Variants in KAT2B observed in about 807,000 individuals in gnomAD.
KAT2B encodes lysine acetyltransferase 2B, also known as histone acetyltransferase KAT2B.
A neutral mutation model predicts 105.9 loss-of-function variants in KAT2B; 36 were observed. The ratio of observed to expected loss-of-function variants is 0.34; its 90% CI spans 0.26 to 0.45. KAT2B has a LOEUF of 0.45. Ranked by LOEUF, KAT2B falls within the 20% of genes least tolerant of loss-of-function variation. The pLI is 1.00. For synonymous variants in KAT2B, 397 were observed against 377.9 expected (o/e 1.05, Z -0.59); for missense variants, 820 against 1,021.6 (o/e 0.80, Z 2.69).
intron 2 of KAT2B, among the ~76,000 whole-genome samples, chr3:20,077,954 T>C (rs1698448205): frequency 6.6e-6 from 1 of 152,080 alleles, no homozygotes; most frequent in Admixed American, 6.5e-5. Context: ...GCAGGTGGAT[T>C]GTTTGAGCCC....
chr3:20,107,386 G>A (rs1405646396), intron 5 of KAT2B, among the ~76,000 whole-genome samples: 25 of 151,400 alleles, frequency 1.7e-4, no homozygotes, highest in Admixed American at 1.3e-3. Flanking sequence ...AGCTGGGAGC[G>A]GTGGCCCACG....
At chr3:20,133,803 C>G (rs546881547) in intron 11 of KAT2B, among the ~76,000 whole-genome samples, 18 of 152,308 alleles carry the variant, frequency 1.2e-4, no homozygotes, top group South Asian at 2.1e-4. Flanking sequence ...GGTACATAAA[C>G]TGTAAACGTA....
chr3:20,102,177 A>G (rs779226188), intron 5 of KAT2B, among the ~76,000 whole-genome samples: 1 of 152,102 alleles, frequency 6.6e-6, no homozygotes, highest in Non-Finnish European at 1.5e-5. Context: ...TTAACTGGGC[A>G]TGGTGTCACG....
intron 1 of KAT2B, among the ~76,000 whole-genome samples, chr3:20,070,378 C>T (rs1457451270): frequency 6.7e-6 from 1 of 149,660 alleles, no homozygotes; most frequent in Non-Finnish European, 1.5e-5. Flanking sequence ...AATCTCGGCT[C>T]ACTGCAAGCT....
chr3:20,085,511 CTTTTTTTTT>C (rs11346744), intron 2 of KAT2B, among the ~76,000 whole-genome samples: 1 of 137,642 alleles, frequency 7.3e-6, no homozygotes, highest in Non-Finnish European at 1.5e-5. Context: ...TTCTTTCTTT[CTTTTTTTTT>C]TTTTTTGCAG....
intron 1 of KAT2B, among the ~76,000 whole-genome samples, chr3:20,054,564 T>A (rs1440123114): frequency 6.6e-6 from 1 of 152,240 alleles, no homozygotes; most frequent in East Asian, 1.9e-4. Context: ...TTCCATTAAA[T>A]TCCATGCCAT....
At chr3:20,085,137 C>T (rs1191642299) in intron 2 of KAT2B, among the ~76,000 whole-genome samples, 3 of 152,104 alleles carry the variant, frequency 2.0e-5, no homozygotes, top group Non-Finnish European at 4.4e-5. Context: ...ATTGCTTGAG[C>T]CCAGGTGTTT....
At chr3:20,128,040 AGTGTAT>A (rs899623205) in intron 11 of KAT2B, among the ~76,000 whole-genome samples, 4 of 152,104 alleles carry the variant, frequency 2.6e-5, no homozygotes, top group African/African-American at 9.7e-5. Flanking sequence ...TCTCACTGTG[AGTGTAT>A]GTGTATGTGT....
chr3:20,114,962 G>A lies in KAT2B; in HGVS notation c.1124G>A (p.Arg375Lys). ...CAGGATTTTCTCTCAGCCTCTTCCA[G>A]AACCAGCCAGCTAGGCATCCAAACA... ...WDQDFLSASS[R>K]TSQLGIQTVI... Residue 375 changes from arginine to lysine, a missense_variant, in exon 7 of 18, where the codon AGA (arginine) becomes AAA (lysine). Around this residue, in one of 6 missense-constraint regions of KAT2B, gnomAD observed 225 missense variants for 268.1 expected, o/e 0.84. Transcript: ENST00000263754. The A allele has an allele frequency of 1.2e-6, 2 of 1,612,100 alleles. No homozygotes were observed. Among genetic ancestry groups the A allele is most frequent in the Non-Finnish European group, 1.7e-6 (2 of 1,178,306 alleles).
chr3:20,062,222 A>G (rs1203079972), intron 1 of KAT2B, among the ~76,000 whole-genome samples: 1 of 72,658 alleles, frequency 1.4e-5, no homozygotes, highest in African/African-American at 5.4e-5. Flanking sequence ...TATATTATAT[A>G]TAAAAATATA....
chr3:20,124,744 A>G (rs1699369384), intron 9 of KAT2B, among the ~76,000 whole-genome samples: 1 of 152,166 alleles, frequency 6.6e-6, no homozygotes, highest in South Asian at 2.1e-4. Context: ...AATTTTCAGG[A>G]GTTTTGTGAG....
At position 20,071,304 on chromosome 3, in the gene KAT2B, C is replaced by T. The variant is rs62243099; in HGVS notation, c.304-1029C>T. 9.7e-3 allele frequency among the ~76,000 whole-genome samples: 1,481 copies of T among 152,278 alleles called. 16 individuals are homozygous for T. Among genetic ancestry groups the T allele is most frequent in the Non-Finnish European group, 0.016 (1,118 of 68,026 alleles). On this transcript the variant is annotated intron_variant, in intron 1 of 17. Coordinates refer to ENST00000263754, the MANE Select transcript of KAT2B (RefSeq NM_003884.5). ...GGATAGTATATGTAGATGGCTCTAC[C>T]CTAGAGTGACTTCATCTGTGTTACA...
At chr3:20,125,813 T>C (rs1699392226) in intron 9 of KAT2B, 92 bp from the exon 10 acceptor site, 1 of 1,035,172 alleles carries the variant, frequency 9.7e-7, no homozygotes, top group Non-Finnish European at 1.5e-6. Flanking sequence ...GTGTATCTTA[T>C]TAGAACAAAG....
chr3:20,061,390 G>T (rs1385463182), intron 1 of KAT2B, among the ~76,000 whole-genome samples: 3 of 152,056 alleles, frequency 2.0e-5, no homozygotes, highest in Non-Finnish European at 4.4e-5. Flanking sequence ...GGGATGCTGG[G>T]GTTGCTTGGA....
In KAT2B at chr3:20,148,768, G is replaced by T. The variant is rs920618029; in HGVS notation, c.2305+281G>T. The T allele has an allele frequency of 9.5e-5, 31 of 326,696 alleles. No individual in the cohort carries two copies. The Middle Eastern group carries it at 2.6e-3, about 27-fold the overall frequency. The allele number at this position is 326,696 out of a possible 1,614,324, so 20.2% of individuals were successfully genotyped here. ...GCAGACAGCACTAGATTTGAAAGCT[G>T]GCACTTTAGATATAACTTTGCTTAT... is the stretch of plus-strand genomic sequence containing the variant. On this transcript the variant is annotated intron_variant, in intron 17 of 17. Coordinates refer to ENST00000263754, the MANE Select transcript of KAT2B (RefSeq NM_003884.5).
intron 5 of KAT2B, among the ~76,000 whole-genome samples, chr3:20,107,147 C>T (rs1699035927): frequency 6.9e-6 from 1 of 145,204 alleles, no homozygotes; most frequent in Admixed American, 7.0e-5. Context: ...ATTCCCGTCT[C>T]TGCCTCCCGA....
At chr3:20,146,451 A>G in intron 14 of KAT2B, 21 bp downstream of exon 14, 1 of 1,433,874 alleles carries the variant, frequency 7.0e-7, no homozygotes. Flanking sequence ...ACCTTCTTTT[A>G]AAAGCGAAAT....
chr3:20,144,609 T>C (rs1344568236), intron 13 of KAT2B, among the ~76,000 whole-genome samples: 2 of 151,036 alleles, frequency 1.3e-5, no homozygotes, highest in Non-Finnish European at 3.0e-5. Flanking sequence ...TTTCTTTTTT[T>C]TTTTTAAGAT....
At chr3:20,106,572 C>G (rs930951375) in intron 5 of KAT2B, among the ~76,000 whole-genome samples, 1 of 151,932 alleles carries the variant, frequency 6.6e-6, no homozygotes, top group Non-Finnish European at 1.5e-5. Context: ...TAAGAAAAAG[C>G]TGAAAAGTAT....
Sources: allele counts gnomAD v4.1 joint callset (sites outside exome capture counted in the v4.1 genomes callset), GRCh38; gene constraint gnomAD v4.1.1; regional missense constraint gnomAD v4.1.1; transcripts MANE v1.5; gene names NCBI Gene and HGNC (gene_info 2026-07-23, HGNC 2026-07-21).